The following ZSWIM7 variants were observed in gnomAD, a reference collection of about 807,000 sequenced individuals.
ZSWIM7 encodes the protein zinc finger SWIM domain-containing protein 7.
In ZSWIM7, 22 loss-of-function variants were observed where a neutral mutation model predicts 21.1. The ratio of observed to expected loss-of-function variants is 1.04; its 90% confidence interval spans 0.74 to 1.49. ZSWIM7 has a LOEUF of 1.49. ZSWIM7 is among the 40% of genes most tolerant of loss of function. ZSWIM7 has a pLI of 0.00. For missense variants in ZSWIM7, 193 were observed against 168.0 expected, an observed-to-expected ratio of 1.15 and a Z score of -0.82; for synonymous variants, 67 against 66.5, an observed-to-expected ratio of 1.01 and a Z score of -0.04.
At chr17:15,982,164 G>A (rs1184517786) in intron 3 of ZSWIM7, among the ~76,000 whole-genome samples, 1 of 151,948 alleles carries the variant, frequency 6.6e-6, no homozygotes, top group Admixed American at 6.6e-5. Context: ...GGTCAAGAGG[G>A]ACAAAAAGGA....
chr17:15,992,192 G>A (rs956080145), intron 2 of ZSWIM7, among the ~76,000 whole-genome samples: 1 of 152,114 alleles, frequency 6.6e-6, no homozygotes, highest in African/African-American at 2.4e-5. Flanking sequence ...CTCCCAAAGC[G>A]TTGGGATTAC....
chr17:15,994,097 C>A (rs1049648961), intron 1 of ZSWIM7, among the ~76,000 whole-genome samples: 1 of 152,170 alleles, frequency 6.6e-6, no homozygotes, highest in Admixed American at 6.5e-5. Flanking sequence ...TACAGGCATG[C>A]ACTACCATGC....
At chr17:15,995,118 G>T (rs1365235594) in intron 1 of ZSWIM7, among the ~76,000 whole-genome samples, 2 of 149,174 alleles carry the variant, frequency 1.3e-5, no homozygotes, top group Non-Finnish European at 2.9e-5. Flanking sequence ...GGCATAATAA[G>T]AAGAAAAAGG....
intron 4 of ZSWIM7, among the ~76,000 whole-genome samples, chr17:15,978,888 C>T (rs1195521207): frequency 6.6e-6 from 1 of 151,614 alleles, no homozygotes; most frequent in Non-Finnish European, 1.5e-5. Flanking sequence ...AATCTGACAG[C>T]TCCCTAGGAA....
At chr17:15,993,728 A>T in intron 2 of ZSWIM7, 29 bp downstream of exon 2, 1 of 1,428,566 alleles carries the variant, frequency 7.0e-7, no homozygotes, top group Non-Finnish European at 9.7e-7. Flanking sequence ...GGTTAAAAAA[A>T]AATCAAATAC....
At chr17:15,985,805 C>T (rs1037377375) in intron 3 of ZSWIM7, among the ~76,000 whole-genome samples, 6 of 152,098 alleles carry the variant, frequency 3.9e-5, no homozygotes, top group African/African-American at 1.4e-4. Flanking sequence ...GGAATCAAGA[C>T]CAAATATCCC....
intron 4 of ZSWIM7, among the ~76,000 whole-genome samples, chr17:15,980,761 TC>T (rs1216816090): frequency 6.6e-6 from 1 of 152,140 alleles, no homozygotes; most frequent in Non-Finnish European, 1.5e-5. Context: ...GCCATCTAAT[TC>T]CCCAGTGCCC....
rs946632605 is a variant in ZSWIM7, at chr17:15,981,114, A to G, written c.232T>C (p.Cys78Arg). The change falls in exon 4 of 5, where the codon TGT becomes CGT. Residue 78 changes from cysteine to arginine, a missense_variant. By Grantham distance (180) the Cys-to-Arg change is radical (BLOSUM62 -3). Transcript: ENST00000399277. Reference sequence around the variant, plus strand: ...GAACAGTAATGACAAGAAGCCAAACATGTGTATGTTTTACTGGAACTTCCA... The same window carrying G: ...GAACAGTAATGACAAGAAGCCAAACGTGTGTATGTTTTACTGGAACTTCCA... ...VLGSSSKTYT[C>R]LASCHYCSCP... 6.2e-7 allele frequency: 1 copy of G among 1,612,746 alleles called. No homozygotes were observed. Among genetic ancestry groups the G allele is most frequent in the Non-Finnish European group, 8.5e-7 (1 of 1,178,994 alleles).
chr17:15,999,247 G>A (rs1023265164), intron 1 of ZSWIM7: 1 of 578,974 alleles, frequency 1.7e-6, no homozygotes, highest in Admixed American at 3.0e-5. Context: ...TCAGCACTTC[G>A]GTCCCCACTG....
chr17:15,999,486 A>G (rs1215837184), intron 1 of ZSWIM7, 33 bp downstream of exon 1: 2 of 1,592,744 alleles, frequency 1.3e-6, no homozygotes, highest in East Asian at 2.2e-5. Flanking sequence ...GCCCGCGCCC[A>G]TGGCGCAGCC....
At chr17:15,984,439 A>T (rs181887242) in intron 3 of ZSWIM7, among the ~76,000 whole-genome samples, 2 of 152,346 alleles carry the variant, frequency 1.3e-5, no homozygotes, top group East Asian at 3.9e-4. Context: ...AAAAAGGAAC[A>T]TGCTGGAAAG....
chr17:15,999,523 C>G lies in ZSWIM7; in HGVS notation c.72G>C (p.Ala24=), dbSNP rs557565073. ...CACACGACCTCGGTCCCGTACTTCG[C>G]GCGCTCTCCTGCACCGCCGCCGCCA... ...SEMAAAVQES[A]RIPDEYLLSL... Residue 24 remains alanine, a synonymous_variant, in exon 1 of 5, where the codon GCG becomes GCC. Transcript: ENST00000399277. The G allele has an allele frequency of 1.2e-6, 2 of 1,600,494 alleles. No homozygotes were observed. Among genetic ancestry groups the G allele is most frequent in the Admixed American group, 3.3e-5 (2 of 59,790 alleles).
Position 15,976,776 on chromosome 17 carries a change from T to A in ZSWIM7, c.*1271A>T, listed in dbSNP as rs1970282601. The A allele has an allele frequency of 6.6e-6, 1 of 152,196 alleles. No homozygotes were observed. Among genetic ancestry groups the A allele is most frequent in the Non-Finnish European group, 1.5e-5 (1 of 68,028 alleles). 9.4% of individuals were successfully genotyped at this position (152,196 alleles called of 1,614,324 possible). On this transcript the variant is annotated 3_prime_UTR_variant, in exon 5 of 5. Transcript: ENST00000399277. ...TCTGTCTGTCCACTGCTTCAACTCC[T>A]TCTGCAGTATCCCTGCAACAATATT...
intron 4 of ZSWIM7, 34 bp from the exon 5 acceptor site, chr17:15,978,197 A>T (rs1416582475): frequency 1.3e-6 from 2 of 1,535,332 alleles, no homozygotes; most frequent in Non-Finnish European, 1.8e-6. Flanking sequence ...TATTAGAAAC[A>T]GGCAGGGCCA....
chr17:15,995,061 AG>A (rs1199124559), intron 1 of ZSWIM7, among the ~76,000 whole-genome samples: 1 of 152,216 alleles, frequency 6.6e-6, no homozygotes, highest in Admixed American at 6.5e-5. Context: ...TTTTATCATC[AG>A]AAAAAAGTTA....
At chr17:15,978,521 C>G (rs1475775521) in intron 4 of ZSWIM7, among the ~76,000 whole-genome samples, 1 of 152,132 alleles carries the variant, frequency 6.6e-6, no homozygotes, top group East Asian at 1.9e-4. Context: ...TCGCTTGAAC[C>G]CAGGAGGTGG....
chr17:15,982,476 G>T (rs1049792153), intron 3 of ZSWIM7, among the ~76,000 whole-genome samples: 2 of 151,774 alleles, frequency 1.3e-5, no homozygotes, highest in South Asian at 2.1e-4. Flanking sequence ...AATTTTTTTT[G>T]AATTACAATG....
chr17:15,987,174 T>C, intron 3 of ZSWIM7, 92 bp downstream of exon 3: 1 of 1,031,256 alleles, frequency 9.7e-7, no homozygotes, highest in Non-Finnish European at 1.4e-6. Flanking sequence ...GTCCAGGAAA[T>C]ATTTAAAGCT....
At chr17:15,996,089 T>C (rs994767650) in intron 1 of ZSWIM7, among the ~76,000 whole-genome samples, 2 of 152,184 alleles carry the variant, frequency 1.3e-5, no homozygotes, top group Non-Finnish European at 2.9e-5. Flanking sequence ...AAAAGAACTT[T>C]TTCAGCCGGG....
Sources: gnomAD v4.1 joint callset for allele counts (sites outside exome capture counted in the v4.1 genomes callset) on GRCh38, gnomAD v4.1.1 for gene constraint, MANE v1.5 for transcripts, NCBI Gene and HGNC (gene_info 2026-07-23, HGNC 2026-07-21) for gene names.